The following PUDP variants were observed in gnomAD, a reference collection of about 807,000 sequenced individuals.
PUDP encodes pseudouridine-5'-phosphatase.
A neutral mutation model predicts 9.4 loss-of-function variants in PUDP; 8 were observed. The observed-to-expected ratio is 0.85, with a 90% CI of 0.50 to 1.53. PUDP has a LOEUF of 1.53. Ranked by LOEUF, PUDP falls within the 40% of genes most tolerant of loss-of-function variation. PUDP has a pLI of 0.00. For missense variants in PUDP, 188 were observed against 189.7 expected, an observed-to-expected ratio of 0.99 and a Z score of 0.05; for synonymous variants, 99 against 80.7, an observed-to-expected ratio of 1.23 and a Z score of -1.22.
intron 3 of PUDP, among the ~76,000 whole-genome samples, chrX:6,756,769 G>A (rs2146672910): frequency 8.9e-6 from 1 of 112,187 alleles, no homozygotes; most frequent in Non-Finnish European, 1.9e-5. Context: ...TTTGGAATGA[G>A]ATATACATAA....
chrX:6,751,883 T>C (rs1041793826), intron 3 of PUDP, among the ~76,000 whole-genome samples: 6 of 111,111 alleles, frequency 5.4e-5, no homozygotes, highest in Non-Finnish European at 1.1e-4. Flanking sequence ...GAAGTCAGAA[T>C]TATGAGGCAG....
chrX:7,089,458 C>T (rs778318844), intron 2 of PUDP, among the ~76,000 whole-genome samples: 14 of 111,181 alleles, frequency 1.3e-4, no homozygotes, highest in East Asian at 2.8e-4. Flanking sequence ...CTGTTTTCTG[C>T]CCCAGGTGGC....
chrX:6,950,156 G>C (rs1467628252), intron 3 of PUDP, among the ~76,000 whole-genome samples: 1 of 108,250 alleles, frequency 9.2e-6, no homozygotes, highest in Non-Finnish European at 1.9e-5. Context: ...TGGCCAACGT[G>C]GTGAAACCCT....
At chrX:6,805,558 T>A (rs1926036342) in intron 3 of PUDP, among the ~76,000 whole-genome samples, 1 of 110,711 alleles carries the variant, frequency 9.0e-6, no homozygotes, top group Admixed American at 9.6e-5. Flanking sequence ...AGAGTCTCAG[T>A]CTGTCATTCA....
intron 3 of PUDP, among the ~76,000 whole-genome samples, chrX:6,951,340 C>T (rs1374640631): frequency 5.4e-5 from 6 of 110,346 alleles, no homozygotes; most frequent in African/African-American, 9.9e-5. Flanking sequence ...ATCTATCTAT[C>T]GAGCCATCCA....
intron 1 of PUDP, among the ~76,000 whole-genome samples, chrX:7,000,850 A>C (rs1360875579): frequency 4.6e-5 from 5 of 108,056 alleles, no homozygotes; most frequent in Non-Finnish European, 7.7e-5. Context: ...TAATTGTGAA[A>C]AGGTAAAAGT....
intron 3 of PUDP, among the ~76,000 whole-genome samples, chrX:6,898,765 T>G (rs886490606): frequency 1.1e-4 from 9 of 84,263 alleles, no homozygotes; most frequent in Non-Finnish European, 2.0e-4. Flanking sequence ...CAAGAAATAT[T>G]CTTCTTTTGA....
At position 6,964,459 on chromosome X, in the gene PUDP, G is replaced by T. The variant is rs143596188; in HGVS notation, c.*247+12674C>A. 4.1e-3 allele frequency among the ~76,000 whole-genome samples: 460 copies of T among 111,539 alleles called. 3 individuals carry two copies. Among genetic ancestry groups the T allele is most frequent in the Middle Eastern group, 0.014 (3 of 217 alleles). ...AGGCTGAGGAAGACAGTCTGCTTGA[G>T]CCTGGGAGGTTGAGACCAGCTTGCG... On this transcript the variant is annotated intron_variant and NMD_transcript_variant, in intron 3 of 3. Transcript: ENST00000655425.
intron 1 of PUDP, among the ~76,000 whole-genome samples, chrX:7,010,033 C>T (rs759774802): frequency 1.9e-4 from 21 of 111,383 alleles, no homozygotes; most frequent in Admixed American, 1.7e-3. Flanking sequence ...CAGTGTCTAC[C>T]AAAAAGGCTG....
At chrX:6,723,001 A>T (rs1243117241), upstream of PUDP, among the ~76,000 whole-genome samples, 4 of 111,353 alleles carry the variant, frequency 3.6e-5, no homozygotes, top group African/African-American at 1.3e-4. Context: ...AATACCTAGT[A>T]AAGTTGCAAA....
At chrX:6,974,765 T>C (rs1482871417) in intron 3 of PUDP, among the ~76,000 whole-genome samples, 1 of 111,776 alleles carries the variant, frequency 8.9e-6, no homozygotes, top group African/African-American at 3.3e-5. Flanking sequence ...CCTCTCTTGC[T>C]AGGTTGGGGA....
chrX:6,823,242 T>C (rs1926374943), intron 3 of PUDP, among the ~76,000 whole-genome samples: 2 of 111,546 alleles, frequency 1.8e-5, no homozygotes, highest in Admixed American at 9.5e-5. Flanking sequence ...TTTACCTCGA[T>C]AGATATATCT....
chrX:7,057,969 C>T (rs1930293609), intron 3 of PUDP: 1 of 445,659 alleles, frequency 2.2e-6, no homozygotes, highest in Non-Finnish European at 3.9e-6. Context: ...ATGCTTCCAC[C>T]TTTGGCTCCT....
chrX:7,078,578 C>G (rs897829532), intron 2 of PUDP, among the ~76,000 whole-genome samples: 1 of 112,541 alleles, frequency 8.9e-6, no homozygotes, highest in Non-Finnish European at 1.9e-5. Flanking sequence ...CAGGCATGAG[C>G]TACCACGCCT....
chrX:6,922,000 A>G (rs1928031411), intron 3 of PUDP, among the ~76,000 whole-genome samples: 1 of 111,551 alleles, frequency 9.0e-6, no homozygotes, highest in Non-Finnish European at 1.9e-5. Context: ...TAAGCCAGGC[A>G]CAGAAAGACA....
chrX:6,716,904 G>A (rs1394321778), intron 1 of PUDP, among the ~76,000 whole-genome samples: 1 of 110,852 alleles, frequency 9.0e-6, no homozygotes, highest in Admixed American at 9.6e-5. Flanking sequence ...GAGTAGCTGG[G>A]ACCACAGGCA....
Position 7,148,096 on chromosome X carries a change from C to T in PUDP, c.18G>A (p.Gln6=). 8.8e-7 allele frequency: 1 copy of T among 1,131,106 alleles called. No individual in the cohort carries two copies. Among genetic ancestry groups the T allele is most frequent in the East Asian group, 3.7e-5 (1 of 26,833 alleles). The allele number at this position is 1,131,106 out of a possible 1,213,427, so 93.2% of individuals were successfully genotyped here. MAAPP[Q]PVTHLIFDMD... is the part of the protein sequence containing the mutation. ...TGTCAAAGATGAGGTGGGTGACGGG[C>T]TGCGGGGGCGCCGCCATGGTGGCGC... The change falls in exon 1 of 4, where the codon CAG becomes CAA. Residue 6 remains glutamine, a synonymous_variant. Transcript: ENST00000381077.
downstream of PUDP, among the ~76,000 whole-genome samples, chrX:7,044,299 T>A (rs1929957941): frequency 8.9e-6 from 1 of 111,995 alleles, no homozygotes; most frequent in Admixed American, 9.5e-5. Context: ...GATACTGCAG[T>A]TGAAGCAGGA....
chrX:7,003,260 A>G (rs1239925960), intron 1 of PUDP, among the ~76,000 whole-genome samples: 1 of 111,499 alleles, frequency 9.0e-6, no homozygotes, highest in Non-Finnish European at 1.9e-5. Flanking sequence ...TAAAACTATA[A>G]AGAAAAGCCA....
Sources: gnomAD v4.1 joint callset for allele counts (sites outside exome capture counted in the v4.1 genomes callset) on GRCh38, gnomAD v4.1.1 for gene constraint, MANE v1.5 for transcripts, NCBI Gene and HGNC (gene_info 2026-07-23, HGNC 2026-07-21) for gene names.